MAGI3: variants seen among roughly 807,000 people sequenced by gnomAD.
MAGI3 encodes the protein membrane associated guanylate kinase, WW and PDZ domain containing 3, also known as membrane-associated guanylate kinase, WW and PDZ domain-containing protein 3.
In MAGI3, 43 loss-of-function variants were observed where a neutral mutation model predicts 121.8. The ratio of observed to expected loss-of-function variants is 0.35; its 90% CI spans 0.28 to 0.46. MAGI3 has a LOEUF of 0.46. MAGI3 is among the 20% of genes least tolerant of loss of function. The pLI, the probability that MAGI3 is intolerant of heterozygous loss-of-function variation, is 1.00. For missense variants in MAGI3, 1,547 were observed against 1,797.3 expected, an observed-to-expected ratio of 0.86 and a Z score of 2.52; for synonymous variants, 553 against 639.3, an observed-to-expected ratio of 0.86 and a Z score of 2.04.
intron 1 of MAGI3, among the ~76,000 whole-genome samples, chr1:113,456,959 G>A (rs1049038902): frequency 8.6e-5 from 13 of 151,938 alleles, no homozygotes; most frequent in African/African-American, 3.1e-4. Context: ...TTTGCAGGCC[G>A]ATTGGTTATA....
chr1:113,454,210 A>G (rs1654633523), intron 1 of MAGI3, among the ~76,000 whole-genome samples: 4 of 152,178 alleles, frequency 2.6e-5, no homozygotes, highest in Admixed American at 2.6e-4. Flanking sequence ...ATTATTTGGG[A>G]TGCATATTTT....
At chr1:113,438,470 C>A (rs1653748867) in intron 1 of MAGI3, among the ~76,000 whole-genome samples, 1 of 152,114 alleles carries the variant, frequency 6.6e-6, no homozygotes, top group Non-Finnish European at 1.5e-5. Flanking sequence ...TATATTAGTC[C>A]ATTTTGTGTT....
intron 6 of MAGI3, among the ~76,000 whole-genome samples, chr1:113,606,075 C>T (rs1257992865): frequency 6.6e-6 from 1 of 152,052 alleles, no homozygotes; most frequent in African/African-American, 2.4e-5. Flanking sequence ...AAGTGATTCT[C>T]GTGCCTCAGC....
intron 9 of MAGI3, among the ~76,000 whole-genome samples, chr1:113,626,047 C>A (rs893503127): frequency 2.0e-5 from 3 of 152,116 alleles, no homozygotes; most frequent in Non-Finnish European, 4.4e-5. Flanking sequence ...CTCACTGCAA[C>A]CCCCACCTCC....
intron 14 of MAGI3, among the ~76,000 whole-genome samples, chr1:113,652,650 A>AC (rs1653236450): frequency 6.6e-6 from 1 of 151,960 alleles, no homozygotes; most frequent in African/African-American, 2.4e-5. Context: ...CATTCTAACT[A>AC]TGCATTTTGA....
intron 1 of MAGI3, among the ~76,000 whole-genome samples, chr1:113,465,401 T>C (rs1045430876): frequency 2.0e-5 from 3 of 152,222 alleles, no homozygotes; most frequent in African/African-American, 7.2e-5. Flanking sequence ...ATTTGGTTAC[T>C]ATAGCTTTGT....
At chr1:113,532,783 T>G (rs1235304633) in intron 1 of MAGI3, among the ~76,000 whole-genome samples, 2 of 152,218 alleles carry the variant, frequency 1.3e-5, no homozygotes, top group Non-Finnish European at 2.9e-5. Flanking sequence ...ATTTTAAGTG[T>G]ATGTATTGTA....
At chr1:113,628,822 C>T (rs961711625) in intron 9 of MAGI3, among the ~76,000 whole-genome samples, 1 of 152,066 alleles carries the variant, frequency 6.6e-6, no homozygotes, top group Admixed American at 6.6e-5. Context: ...TGTTTCTTTT[C>T]TCTTGCTGCT....
chr1:113,638,578 C>G (rs75620668), intron 9 of MAGI3, among the ~76,000 whole-genome samples: 1 of 152,216 alleles, frequency 6.6e-6, no homozygotes, highest in African/African-American at 2.4e-5. Context: ...GCTGTCTGAT[C>G]GTTCCTCTGG....
intron 14 of MAGI3, among the ~76,000 whole-genome samples, chr1:113,651,653 G>T (rs1231294348): frequency 6.6e-6 from 1 of 152,018 alleles, no homozygotes; most frequent in African/African-American, 2.4e-5. Context: ...CCACCACACG[G>T]CTAATTTTTG....
At position 113,654,938 on chromosome 1, in the gene MAGI3, G is replaced by A. The variant is rs191139805; in HGVS notation, c.2629+920G>A. Among the ~76,000 whole-genome samples the A allele has an allele frequency of 7.6e-4, 116 of 152,300 alleles. 1 individual carries two copies. Among genetic ancestry groups the A allele is most frequent in the Non-Finnish European group, 8.8e-4 (60 of 68,034 alleles). On this transcript the variant is annotated intron_variant, in intron 15 of 20. Coordinates refer to ENST00000307546, the MANE Select transcript of MAGI3 (RefSeq NM_001142782.2). ...AAAAAGAAAACACTTTTAGGAAAGT[G>A]TTGTGAGCCAAATCAGTTTGCAAAA...
intron 2 of MAGI3, among the ~76,000 whole-genome samples, chr1:113,557,980 G>A (rs1441818452): frequency 2.6e-5 from 4 of 152,158 alleles, no homozygotes; most frequent in African/African-American, 7.2e-5. Flanking sequence ...CAGAAGAGTG[G>A]CCAGACTGTT....
At chr1:113,493,628 A>C (rs1469538216) in intron 1 of MAGI3, among the ~76,000 whole-genome samples, 14 of 152,330 alleles carry the variant, frequency 9.2e-5, no homozygotes, top group Non-Finnish European at 1.5e-4. Context: ...CAAATGATAC[A>C]TCTGTCAAAG....
intron 1 of MAGI3, among the ~76,000 whole-genome samples, chr1:113,458,880 A>G (rs1372155016): frequency 6.6e-6 from 1 of 152,214 alleles, no homozygotes; most frequent in Non-Finnish European, 1.5e-5. Flanking sequence ...ATAAATAATT[A>G]ACACAAGTAA....
chr1:113,648,322 T>A (rs546584051), intron 12 of MAGI3, among the ~76,000 whole-genome samples: 1 of 152,326 alleles, frequency 6.6e-6, no homozygotes, highest in South Asian at 2.1e-4. Flanking sequence ...TTCTTCTCTC[T>A]TTACAGTAAA....
intron 7 of MAGI3, among the ~76,000 whole-genome samples, chr1:113,618,003 G>A (rs993885416): frequency 2.0e-5 from 3 of 152,096 alleles, no homozygotes; most frequent in Non-Finnish European, 2.9e-5. Context: ...TGTAGTAGTA[G>A]CCTGAGTGAC....
At chr1:113,520,174 ATT>A (rs887635771) in intron 1 of MAGI3, among the ~76,000 whole-genome samples, 1 of 148,382 alleles carries the variant, frequency 6.7e-6, no homozygotes, top group African/African-American at 2.5e-5. Flanking sequence ...AACAGATGCT[ATT>A]TTTTTTTTTA....
intron 2 of MAGI3, among the ~76,000 whole-genome samples, chr1:113,550,290 C>T (rs1411349945): frequency 2.0e-5 from 3 of 151,050 alleles, no homozygotes; most frequent in African/African-American, 4.9e-5. Flanking sequence ...GTCGCAGGCG[C>T]CTGTAATCCC....
chr1:113,446,247 G>T lies in MAGI3; in HGVS notation c.316+54898G>T, dbSNP rs919384248. Among the ~76,000 whole-genome samples the T allele has an allele frequency of 3.9e-5, 6 of 152,256 alleles. No homozygotes were observed. In the South Asian group the frequency reaches 1.2e-3, roughly 32 times the overall value. On this transcript the variant is annotated intron_variant, in intron 1 of 20. Coordinates refer to ENST00000307546, the MANE Select transcript of MAGI3 (RefSeq NM_001142782.2). ...TGTGACATCAACAGCCAAAAGGGGA[G>T]GAAATGGAGCTGTTATGGGAGCAGA...
Sources: allele counts gnomAD v4.1 joint callset (sites outside exome capture counted in the v4.1 genomes callset), GRCh38; gene constraint gnomAD v4.1.1; transcripts MANE v1.5; gene names NCBI Gene and HGNC (gene_info 2026-07-23, HGNC 2026-07-21).